PDE6B: variants seen among roughly 807,000 people sequenced by gnomAD.
PDE6B encodes rod cGMP-specific 3',5'-cyclic phosphodiesterase subunit beta.
A neutral mutation model predicts 109.0 loss-of-function variants in PDE6B; 106 were observed. That is an observed-to-expected ratio of 0.97 (90% CI 0.83 to 1.14). The LOEUF (loss-of-function observed/expected upper bound fraction) is 1.14. Ranked by LOEUF, PDE6B falls within the 50% of genes most tolerant of loss-of-function variation. The pLI is 0.00. For synonymous variants in PDE6B, 490 were observed against 471.3 expected (o/e 1.04, Z -0.51); for missense variants, 1,193 against 1,155.6 (o/e 1.03, Z -0.47).
In PDE6B at chr4:656,980, A is replaced by G. The variant is rs1275688200; in HGVS notation, c.1214A>G (p.Lys405Arg). The change falls in exon 9 of 22, where the codon AAA (lysine) becomes AGA (arginine). Residue 405 changes from lysine (K) to arginine (R), a missense_variant. Physicochemically the swap from Lys to Arg is conservative, Grantham distance 26 (BLOSUM62 2). Coordinates refer to ENST00000496514, the MANE Select transcript of PDE6B (RefSeq NM_000283.4). The part of the protein sequence containing the change: ...IVGVATFYNR[K>R]DGKPFDEQDE... ...GGAGTCGCCACATTTTACAACAGGA[A>G]AGACGGGAAGCCCTTTGACGAACAG... is the stretch of plus-strand genomic sequence containing the variant. The G allele has an allele frequency of 6.2e-7, 1 of 1,613,164 alleles. No homozygotes were observed. Among genetic ancestry groups the G allele is most frequent in the African/African-American group, 1.3e-5 (1 of 74,938 alleles).
Position 663,682 on chromosome 4 carries a change from C to T in PDE6B, c.1921-88C>T, listed in dbSNP as rs1737409849. The T allele has an allele frequency of 2.1e-6, 2 of 951,964 alleles. No individual in the cohort carries two copies. Among genetic ancestry groups the T allele is most frequent in the Non-Finnish European group, 3.4e-6 (2 of 592,628 alleles). The allele number at this position is 951,964 out of a possible 1,614,324, so 59.0% of individuals were successfully genotyped here. On this transcript the variant is annotated intron_variant, in intron 15 of 21. Transcript: ENST00000496514. This position sits in a 1 kb window ranked among gnomAD's most constrained non-coding sequence, Gnocchi z 4.0. ...CCCGAGGGCGGGGGCGTGAGAGGCA[C>T]AGGCAGCCGAGGCGGAAGGGGCGGG...
chr4:669,797 C>T (rs1214194084), intron 21 of PDE6B, among the ~76,000 whole-genome samples: 1 of 151,968 alleles, frequency 6.6e-6, no homozygotes, highest in Admixed American at 6.6e-5. Context: ...TTCCCGCTAT[C>T]CTATGCTACA....
At chr4:657,071 G>A in intron 9 of PDE6B, 48 bp downstream of exon 9, 1 of 1,586,926 alleles carries the variant, frequency 6.3e-7, no homozygotes, top group Non-Finnish European at 8.6e-7. Context: ...CCTGCGAGGG[G>A]TGGGGCCTGT....
rs745390296 is a variant in PDE6B at position 670,094 on chromosome 4, GCTGTATC to G, written c.2557_2563del (p.Ile853GlufsTer17). ...GGCCCAGCACCCAAGTCTTCAACCT[GCTGTATC>G]CTGTGAGCACTGGTCCCATGGGGAC... On this transcript the variant is annotated frameshift_variant, in exon 22 of 22. Transcript: ENST00000496514. LOFTEE classifies it high-confidence loss of function. The G allele has an allele frequency of 1.2e-6, 2 of 1,612,756 alleles. No individual in the cohort carries two copies. The highest frequency in any genetic ancestry group is 2.2e-5 in the South Asian group (2 of 91,076).
At chr4:655,601 G>T (rs1001079462) in intron 6 of PDE6B, 2 of 430,354 alleles carry the variant, frequency 4.6e-6, no homozygotes, top group Non-Finnish European at 8.7e-6. Flanking sequence ...CAGCACAGCC[G>T]TCCTCCAACC....
In PDE6B at chr4:660,484, G is replaced by A. The variant is rs1454774554; in HGVS notation, c.1485G>A (p.Gly495=). The stretch of plus-strand genomic sequence containing the variant: ...TCCCACAGAAGGAGGAGCTGCCAGG[G>A]CCCACCACATTTGACATCTACGAAT... ...LGEILKEELP[G]PTTFDIYEFH... Residue 495 remains glycine, a synonymous_variant, in exon 12 of 22, where the codon GGG becomes GGA. Coordinates refer to ENST00000496514, the MANE Select transcript of PDE6B (RefSeq NM_000283.4). 1.2e-6 allele frequency: 2 copies of A among 1,613,948 alleles called. No individual in the cohort carries two copies. Among genetic ancestry groups the A allele is most frequent in the Admixed American group, 1.7e-5 (1 of 60,026 alleles).
At chr4:664,077 T>TG in intron 16 of PDE6B, 37 bp from the exon 17 acceptor site, 2 of 1,421,046 alleles carry the variant, frequency 1.4e-6, no homozygotes, top group Non-Finnish European at 2.0e-6. Context: ...TCTCCACACT[T>TG]GCTCCCACCT....
chr4:630,489 T>C (rs1734330196), intron 1 of PDE6B, among the ~76,000 whole-genome samples: 2 of 152,026 alleles, frequency 1.3e-5, no homozygotes, highest in Non-Finnish European at 2.9e-5. Flanking sequence ...CGTGGGACTC[T>C]TTGCAGTCTC....
chr4:636,431 G>A lies in PDE6B; in HGVS notation c.711+462G>A, dbSNP rs375569943. Among the ~76,000 whole-genome samples, 11 of 152,088 alleles carry A rather than the reference G, an allele frequency of 7.2e-5. No individual in the cohort carries two copies. Among genetic ancestry groups the A allele is most frequent in the African/African-American group, 2.7e-4 (11 of 41,416 alleles). The stretch of plus-strand genomic sequence containing the variant: ...GGGCAGGTCTGGCCCTGGCCGAGAC[G>A]CTGGGGAGGGAGGCCTGAGGACCTT... On this transcript the variant is annotated intron_variant, in intron 3 of 21. Coordinates refer to ENST00000496514, the MANE Select transcript of PDE6B (RefSeq NM_000283.4). The surrounding 1 kb of genome is among the most constrained non-coding windows in gnomAD (Gnocchi z 4.5).
rs142802752 is a variant in PDE6B, at chr4:656,268, C to T, written c.1083C>T (p.Ser361=). The T allele has an allele frequency of 8.1e-4, 1,292 of 1,595,928 alleles. 5 individuals carry two copies. The highest frequency in any genetic ancestry group is 9.8e-4 in the Non-Finnish European group (1,135 of 1,163,540). ...SGFICNIMNA[S]ADEMFKFQEG... ...AGATTTGTAACATCATGAATGCTTC[C>T]GCTGACGAAATGTTCAAATTTCAGG... Residue 361 remains serine (S), a synonymous_variant, in exon 8 of 22, where the codon TCC becomes TCT. Transcript: ENST00000496514.
At position 665,945 on chromosome 4, in the gene PDE6B, C is replaced by T. The variant is rs1426152617; in HGVS notation, c.2269-586C>T. Among the ~76,000 whole-genome samples the T allele has an allele frequency of 2.6e-5, 4 of 152,150 alleles. No individual in the cohort carries two copies. Among genetic ancestry groups the T allele is most frequent in the East Asian group, 1.9e-4 (1 of 5,190 alleles). ...AGAGGGCTTAGGCCAGGTGCAGCCT[C>T]GGCAGGAAAGGGGGCATTGGTTGGT... On this transcript the variant is annotated intron_variant, in intron 19 of 21. Coordinates refer to ENST00000496514, the MANE Select transcript of PDE6B (RefSeq NM_000283.4). The surrounding 1 kb of genome is among the most constrained non-coding windows in gnomAD (Gnocchi z 4.0).
chr4:640,033 C>A lies in PDE6B; in HGVS notation c.711+4064C>A, dbSNP rs577331205. On this transcript the variant is annotated intron_variant, in intron 3 of 21. Coordinates refer to ENST00000496514, the MANE Select transcript of PDE6B (RefSeq NM_000283.4). ...AAAAAAGTGATGCTGAGACCAGGAG[C>A]AGTGGCTCACCTCTACAGGCCCAGC... Among the ~76,000 whole-genome samples the A allele has an allele frequency of 5.1e-4, 78 of 152,198 alleles. 3 individuals are homozygous for A. The South Asian group carries it at 0.014, about 28-fold the overall frequency.
chr4:670,010 G>C, intron 21 of PDE6B, 36 bp from the exon 22 acceptor site: 1 of 1,580,996 alleles, frequency 6.3e-7, no homozygotes, highest in Non-Finnish European at 8.7e-7. Flanking sequence ...GTGTGCACAG[G>C]TGGTTCCACT....
intron 10 of PDE6B, among the ~76,000 whole-genome samples, chr4:658,037 T>C (rs13103955): frequency 0.026 from 3,117 of 118,868 alleles, 42 homozygotes; most frequent in Middle Eastern, 0.05. Flanking sequence ...CATCCAGGGG[T>C]CACGGCTGTG....
intron 21 of PDE6B, among the ~76,000 whole-genome samples, chr4:669,416 G>C (rs1348015971): frequency 1.8e-4 from 5 of 27,212 alleles, no homozygotes; most frequent in East Asian, 9.7e-4. Flanking sequence ...TGCTATTCCC[G>C]CTACCCCATG....
intron 1 of PDE6B, among the ~76,000 whole-genome samples, chr4:631,235 G>T (rs1450258562): frequency 2.6e-5 from 4 of 152,178 alleles, no homozygotes; most frequent in Non-Finnish European, 5.9e-5. Flanking sequence ...TACTTTCTTT[G>T]TGAAACAAGA....
intron 8 of PDE6B, among the ~76,000 whole-genome samples, chr4:656,645 G>T (rs1736294285): frequency 1.3e-5 from 2 of 152,202 alleles, no homozygotes; most frequent in Non-Finnish European, 2.9e-5. Flanking sequence ...CACTCCTGGT[G>T]GGAAAACGGC....
chr4:647,578 C>G (rs1735264906), intron 3 of PDE6B, among the ~76,000 whole-genome samples: 1 of 152,042 alleles, frequency 6.6e-6, no homozygotes, highest in Non-Finnish European at 1.5e-5. Context: ...GGCTCTCTCC[C>G]TGGCTTGCTG....
chr4:658,871 C>A (rs1471186092), intron 10 of PDE6B, 81 bp from the exon 11 acceptor site: 2 of 1,013,694 alleles, frequency 2.0e-6, no homozygotes, highest in Non-Finnish European at 3.1e-6. Flanking sequence ...CTTCCTCTAG[C>A]TCACACGGGG....
Sources: gnomAD v4.1 joint callset for allele counts (sites outside exome capture counted in the v4.1 genomes callset) on GRCh38, gnomAD v4.1.1 for gene constraint, Gnocchi (gnomAD v3.1) non-coding constraint, MANE v1.5 for transcripts, NCBI Gene and HGNC (gene_info 2026-07-23, HGNC 2026-07-21) for gene names.